RERE: variants seen among roughly 807,000 people sequenced by gnomAD.
RERE encodes arginine-glutamic acid dipeptide repeats.
A neutral mutation model predicts 146.1 loss-of-function variants in RERE; 40 were observed. The observed-to-expected ratio is 0.27, with a 90% CI of 0.21 to 0.36. The LOEUF is 0.36. RERE is among the 10% of genes least tolerant of loss of function. RERE has a pLI of 1.00. For synonymous variants in RERE, 1,003 were observed against 866.0 expected, an observed-to-expected ratio of 1.16 and a Z score of -2.78; for missense variants, 1,933 against 2,138.7, an observed-to-expected ratio of 0.90 and a Z score of 1.90.
chr1:8,393,476 T>C (rs1642953923), intron 12 of RERE, among the ~76,000 whole-genome samples: 1 of 152,162 alleles, frequency 6.6e-6, no homozygotes, highest in Non-Finnish European at 1.5e-5. Flanking sequence ...CAATCTAAAC[T>C]GCTCTGGGTG....
intron 2 of RERE, among the ~76,000 whole-genome samples, chr1:8,640,285 A>T (rs1379026416): frequency 1.3e-5 from 2 of 151,770 alleles, no homozygotes; most frequent in East Asian, 1.9e-4. Context: ...TTTTTTTTTT[A>T]AACTATATGA....
chr1:8,608,659 G>A (rs926492589), intron 4 of RERE, among the ~76,000 whole-genome samples: 3 of 152,182 alleles, frequency 2.0e-5, no homozygotes, highest in South Asian at 2.1e-4. Flanking sequence ...TCTAATATAT[G>A]CCTATGGAAA....
At chr1:8,787,030 G>C (rs1469515583) in intron 1 of RERE, 2 of 560,418 alleles carry the variant, frequency 3.6e-6, no homozygotes, top group African/African-American at 3.8e-5. Context: ...CACACCTGAT[G>C]AAAACCTTCC....
At chr1:8,588,792 T>A (rs1646457607) in intron 4 of RERE, among the ~76,000 whole-genome samples, 1 of 152,118 alleles carries the variant, frequency 6.6e-6, no homozygotes. Context: ...TCCATAGTGA[T>A]CCCCCAAAAT....
chr1:8,455,302 C>G (rs574062973), intron 11 of RERE, among the ~76,000 whole-genome samples: 1 of 151,918 alleles, frequency 6.6e-6, no homozygotes, highest in African/African-American at 2.4e-5. Flanking sequence ...AGTGCAGTGG[C>G]GAGATCACAA....
intron 6 of RERE, among the ~76,000 whole-genome samples, chr1:8,555,746 C>T (rs2124422224): frequency 6.6e-6 from 1 of 152,254 alleles, no homozygotes; most frequent in South Asian, 2.1e-4. Context: ...TTATGGGCAT[C>T]CTTTTCTTGA....
At chr1:8,430,102 C>A (rs543589945) in intron 11 of RERE, 2 of 152,332 alleles carry the variant, frequency 1.3e-5, no homozygotes, top group East Asian at 3.9e-4. Flanking sequence ...GTACTTCATC[C>A]ATATCATCCT....
At chr1:8,520,557 C>A (rs542587311) in intron 7 of RERE, among the ~76,000 whole-genome samples, 15 of 152,058 alleles carry the variant, frequency 9.9e-5, no homozygotes, top group African/African-American at 3.6e-4. Context: ...GACTTTGCTC[C>A]GTTGTCTAAA....
rs76143884 is a variant in RERE, at chr1:8,612,808, A to T, written c.522+1753T>A. On this transcript the variant is annotated intron_variant, in intron 4 of 22. Transcript: ENST00000400908. ...TGCTAAAGGCTGAAGCTTTAGAAGT[A>T]GGTAGTCACATTGGGAATCTACTAA... 9.9e-4 allele frequency among the ~76,000 whole-genome samples: 151 copies of T among 152,344 alleles called. 1 individual carries two copies. The East Asian group carries it at 0.024, about 24-fold the overall frequency.
Position 8,614,495 on chromosome 1 carries a change from T to C in RERE, c.522+66A>G, listed in dbSNP as rs563200215. 2.0e-6 allele frequency: 3 copies of C among 1,475,958 alleles called. No individual in the cohort carries two copies. The South Asian group carries it at 3.8e-5, about 19-fold the overall frequency. 91.4% of individuals were successfully genotyped at this position (1,475,958 alleles called of 1,614,324 possible). A position where few individuals can be genotyped will look rare whatever the true frequency, so the allele number is the denominator to read the frequency against. ...AAAGGGGCTCTGGGGAGGGAGGTAA[T>C]ATTCCTATTTTATACCCTATGGGAT... On this transcript the variant is annotated intron_variant, in intron 4 of 22. Coordinates refer to ENST00000400908, the MANE Select transcript of RERE (RefSeq NM_001042681.2).
chr1:8,776,352 T>C (rs958805194), intron 1 of RERE, among the ~76,000 whole-genome samples: 3 of 151,968 alleles, frequency 2.0e-5, no homozygotes, highest in Non-Finnish European at 2.9e-5. Flanking sequence ...GGCTGGAGTA[T>C]GGTGGTGTGA....
intron 1 of RERE, among the ~76,000 whole-genome samples, chr1:8,766,330 G>A (rs11800586): frequency 0.026 from 3,968 of 151,440 alleles, 161 homozygotes; most frequent in African/African-American, 0.09. Flanking sequence ...ACTTGAGGTC[G>A]GGAGTTCAAG....
intron 1 of RERE, among the ~76,000 whole-genome samples, chr1:8,722,696 A>C (rs1344528905): frequency 6.6e-6 from 1 of 152,260 alleles, no homozygotes; most frequent in Non-Finnish European, 1.5e-5. Flanking sequence ...AACTATTTAC[A>C]TGGCCTTTAC....
chr1:8,686,611 G>A (rs1639091705), intron 1 of RERE, among the ~76,000 whole-genome samples: 1 of 152,136 alleles, frequency 6.6e-6, no homozygotes, highest in Non-Finnish European at 1.5e-5. Context: ...TTAGCTGGGT[G>A]TGGTGGTGGG....
intron 1 of RERE, among the ~76,000 whole-genome samples, chr1:8,729,823 A>G (rs553382251): frequency 2.0e-5 from 3 of 152,218 alleles, no homozygotes; most frequent in Non-Finnish European, 2.9e-5. Context: ...TCATGGGAAG[A>G]AAGAATGACA....
intron 7 of RERE, among the ~76,000 whole-genome samples, chr1:8,537,622 T>C (rs1420895950): frequency 6.6e-6 from 1 of 152,198 alleles, no homozygotes; most frequent in Non-Finnish European, 1.5e-5. Flanking sequence ...TTAATAAGTA[T>C]TCTAGATTAA....
intron 3 of RERE, among the ~76,000 whole-genome samples, chr1:8,617,574 A>C (rs1430002718): frequency 2.0e-5 from 3 of 152,200 alleles, no homozygotes; most frequent in Non-Finnish European, 2.9e-5. Context: ...CAAGCCAAGA[A>C]AGTAAAGAGA....
intron 8 of RERE, among the ~76,000 whole-genome samples, chr1:8,504,725 C>T (rs917163790): frequency 1.3e-5 from 2 of 151,924 alleles, no homozygotes; most frequent in African/African-American, 2.4e-5. Flanking sequence ...TGGTGGCGGG[C>T]GCCTATAATC....
At position 8,455,170 on chromosome 1, in the gene RERE, C is replaced by T. The variant is rs1644439432; in HGVS notation, c.1203+10755G>A. 4.6e-5 allele frequency among the ~76,000 whole-genome samples: 7 copies of T among 152,282 alleles called. No individual in the cohort carries two copies. The South Asian group carries it at 1.5e-3, about 32-fold the overall frequency. On this transcript the variant is annotated intron_variant, in intron 11 of 22. Transcript: ENST00000400908. ...GTGGTGACGAAGCTGTTCAGGGCAA[C>T]TCTGGGCATCCTCCTATTTTCAGAA...
Sources: gnomAD v4.1 joint callset for allele counts (sites outside exome capture counted in the v4.1 genomes callset) on GRCh38, gnomAD v4.1.1 for gene constraint, MANE v1.5 for transcripts, NCBI Gene and HGNC (gene_info 2026-07-23, HGNC 2026-07-21) for gene names.